Variants in RBMXL3 observed in about 807,000 individuals in gnomAD.
RBMXL3 encodes RNA-binding motif protein, X-linked-like-3.
A neutral mutation model predicts 0.8 loss-of-function variants in RBMXL3; 2 were observed. That is an observed-to-expected ratio of 2.54 (90% CI 1.04 to 8.00). The LOEUF is 8.00. RBMXL3 is among the 30% of genes most tolerant of loss of function. The probability of loss-of-function intolerance (pLI) is 0.04; values close to 1 mark genes in which losing one functional copy is unlikely to be tolerated. For missense variants in RBMXL3, 1,127 were observed against 1,068.0 expected (o/e 1.06, Z -0.77); for synonymous variants, 447 against 449.8 (o/e 0.99, Z 0.08).
At position 115,191,028 on chromosome X, in the gene RBMXL3, C is replaced by T. The variant is rs1257782527; in HGVS notation, c.1587C>T (p.Thr529=). The T allele has an allele frequency of 1.7e-6, 2 of 1,165,687 alleles. No individual in the cohort carries two copies. Among genetic ancestry groups the T allele is most frequent in the Admixed American group, 2.6e-5 (1 of 38,486 alleles). Residue 529 remains threonine (T), a synonymous_variant, in exon 1 of 1, where the codon ACC becomes ACT. Coordinates refer to ENST00000424776, the MANE Select transcript of RBMXL3 (RefSeq NM_001145346.2). ...DANSGGRSPD[T]HSGGHSSSSN... Reference sequence around the variant, plus strand: ...ACAGCGGAGGCCGTTCACCCGACACCCACAGTGGGGGCCACAGCAGTTCCA... The same window carrying T: ...ACAGCGGAGGCCGTTCACCCGACACTCACAGTGGGGGCCACAGCAGTTCCA...
At position 115,192,345 on chromosome X, in the gene RBMXL3, C is replaced by T; in HGVS notation, c.2904C>T (p.Ile968=). 9.3e-7 allele frequency: 1 copy of T among 1,080,870 alleles called. No homozygotes were observed. 89.1% of individuals were successfully genotyped at this position (1,080,870 alleles called of 1,213,427 possible). The change falls in exon 1 of 1, where the codon ATC becomes ATT. Residue 968 remains isoleucine (I), a synonymous_variant. Transcript: ENST00000424776. ...DAHSGGRDSS[I]KSYGLSDRYG... Reference sequence around the variant, plus strand: ...ACAGTGGGGGCCGCGACAGTTCCATCAAGAGTTACGGCCTGAGCGACCGCT... The same window carrying T: ...ACAGTGGGGGCCGCGACAGTTCCATTAAGAGTTACGGCCTGAGCGACCGCT...
At position 115,190,605 on chromosome X, in the gene RBMXL3, C is replaced by G. The variant is rs1556557544; in HGVS notation, c.1164C>G (p.Cys388Trp). The G allele has an allele frequency of 2.6e-6, 3 of 1,160,143 alleles. No individual in the cohort carries two copies. Among genetic ancestry groups the G allele is most frequent in the Non-Finnish European group, 3.5e-6 (3 of 867,239 alleles). Residue 388 changes from cysteine to tryptophan, a missense_variant, in exon 1 of 1, where the codon TGC (cysteine) becomes TGG (tryptophan). Coordinates refer to ENST00000424776, the MANE Select transcript of RBMXL3 (RefSeq NM_001145346.2). ...SRSDRYGEEG[C>W]YEEYRGRSPD... ...GTGACCGCTACGGAGAAGAAGGCTGCTACGAGGAGTACAGAGGCCGCTCGC... is the reference window on the plus strand; with the variant it reads ...GTGACCGCTACGGAGAAGAAGGCTGGTACGAGGAGTACAGAGGCCGCTCGC...
Position 115,192,377 on chromosome X carries a change from G to C in RBMXL3, c.2936G>C (p.Gly979Ala), listed in dbSNP as rs782703250. 32 of 1,159,234 alleles carry C rather than the reference G, an allele frequency of 2.8e-5. No homozygotes were observed. In the Middle Eastern group the frequency reaches 1.2e-3, roughly 42 times the overall value. ...TACGGCCTGAGCGACCGCTACGGAGGAGGAGGCCACTACGAGGAGTACCAG... is the reference window on the plus strand; with the variant it reads ...TACGGCCTGAGCGACCGCTACGGAGCAGGAGGCCACTACGAGGAGTACCAG... ...KSYGLSDRYG[G>A]GGHYEEYQGS... Residue 979 changes from glycine (G) to alanine (A), a missense_variant, in exon 1 of 1, where the codon GGA (glycine) becomes GCA (alanine). Coordinates refer to ENST00000424776, the MANE Select transcript of RBMXL3 (RefSeq NM_001145346.2).
At position 115,192,216 on chromosome X, in the gene RBMXL3, CG is replaced by C. The variant is rs1556560994; in HGVS notation, c.2780del (p.Gly927AlafsTer47). On this transcript the variant is annotated frameshift_variant, in exon 1 of 1. Coordinates refer to ENST00000424776, the MANE Select transcript of RBMXL3 (RefSeq NM_001145346.2). LOFTEE classifies it low-confidence loss of function (END_TRUNC). ...YQGRSPNAYG[G>X]GRGLNSSNNS... The stretch of plus-strand genomic sequence containing the variant: ...AAGGCCGCTCGCCCAATGCCTACGG[CG>C]GGGGCCGCGGCCTCAACAGTTCCAA... The C allele has an allele frequency of 8.6e-7, 1 of 1,162,724 alleles. No individual in the cohort carries two copies. Among genetic ancestry groups the C allele is most frequent in the African/African-American group, 1.8e-5 (1 of 55,324 alleles).
chrX:115,191,379 G>A lies in RBMXL3; in HGVS notation c.1938G>A (p.Ser646=), dbSNP rs370302134. The change falls in exon 1 of 1, where the codon TCG becomes TCA. Residue 646 remains serine (S), a synonymous_variant. Transcript: ENST00000424776. ...RSLDANSGGR[S]PDAYSGGHDS... is the part of the protein sequence containing the mutation. ...TTGATGCCAACAGTGGAGGCCGCTC[G>A]CCTGATGCCTACAGTGGGGGCCACG... is the stretch of plus-strand genomic sequence containing the variant. 2.6e-4 allele frequency: 298 copies of A among 1,140,039 alleles called. No individual in the cohort carries two copies. The highest frequency in any genetic ancestry group is 2.2e-3 in the Middle Eastern group (9 of 4,173). The allele number at this position is 1,140,039 out of a possible 1,213,427, so 94.0% of individuals were successfully genotyped here. A position where few individuals can be genotyped will look rare whatever the true frequency, so the allele number is the denominator to read the frequency against.
At position 115,190,452 on chromosome X, in the gene RBMXL3, C is replaced by A; in HGVS notation, c.1011C>A (p.Pro337=). The part of the protein sequence containing the change: ...CRYEEYQGNS[P]DACSEGRSSE... ...ACGAGGAGTACCAGGGCAACTCGCC[C>A]GATGCCTGCAGTGAAGGCCGCTCGT... Residue 337 remains proline, a synonymous_variant, in exon 1 of 1, where the codon CCC becomes CCA. Transcript: ENST00000424776. The A allele has an allele frequency of 8.6e-7, 1 of 1,167,204 alleles. No individual in the cohort carries two copies. The highest frequency in any genetic ancestry group is 3.3e-5 in the East Asian group (1 of 30,752).
Position 115,190,871 on chromosome X carries a change from G to A in RBMXL3, c.1430G>A (p.Arg477His), listed in dbSNP as rs782325047. Reference protein sequence around the residue: ...GGGRYEEYQGRSLDANSGGCS... With the variant: ...GGGRYEEYQGHSLDANSGGCS... Reference sequence around the variant, plus strand: ...GGCCGTTATGAGGAGTACCAAGGCCGCTCGCTGGATGCCAACAGTGGAGGC... The same window carrying A: ...GGCCGTTATGAGGAGTACCAAGGCCACTCGCTGGATGCCAACAGTGGAGGC... Residue 477 changes from arginine to histidine, a missense_variant, in exon 1 of 1, where the codon CGC becomes CAC. Coordinates refer to ENST00000424776, the MANE Select transcript of RBMXL3 (RefSeq NM_001145346.2). 127 of 1,153,056 alleles carry A rather than the reference G, an allele frequency of 1.1e-4. 2 individuals carry two copies. The highest frequency in any genetic ancestry group is 4.5e-4 in the South Asian group (23 of 51,472).
In RBMXL3 at chrX:115,190,736, A is replaced by G. The variant is rs782704958; in HGVS notation, c.1295A>G (p.Glu432Gly). The G allele has an allele frequency of 4.3e-6, 5 of 1,163,099 alleles. No homozygotes were observed. Among genetic ancestry groups the G allele is most frequent in the African/African-American group, 3.7e-5 (2 of 54,732 alleles). Residue 432 changes from glutamate to glycine, a missense_variant, in exon 1 of 1, where the codon GAG (glutamate) becomes GGG (glycine). Transcript: ENST00000424776. Reference sequence around the variant, plus strand: ...GAGGAGTACCGAGGCCGCTCACACGAGGCCCGCAGCGGGGGCCGCTCCACT... The same window carrying G: ...GAGGAGTACCGAGGCCGCTCACACGGGGCCCGCAGCGGGGGCCGCTCCACT... Reference protein sequence around the residue: ...RYEEYRGRSHEARSGGRSTDA... With the variant: ...RYEEYRGRSHGARSGGRSTDA...
Position 115,192,555 on chromosome X carries a change from T to C in RBMXL3, c.3114T>C (p.Asp1038=). Residue 1038 remains aspartate, a synonymous_variant, in exon 1 of 1, where the codon GAT becomes GAC. Transcript: ENST00000424776. ...PMETGSPPLH[D]SYSRSGCRVP... Reference sequence around the variant, plus strand: ...AAACGGGCAGCCCTCCCCTGCATGATTCTTACAGCCGGTCAGGCTGCAGGG... The same window carrying C: ...AAACGGGCAGCCCTCCCCTGCATGACTCTTACAGCCGGTCAGGCTGCAGGG... 1 of 1,169,519 alleles carries C rather than the reference T, an allele frequency of 8.6e-7. No individual in the cohort carries two copies. Among genetic ancestry groups the C allele is most frequent in the Non-Finnish European group, 1.1e-6 (1 of 874,001 alleles).
At position 115,189,520 on chromosome X, in the gene RBMXL3, G is replaced by C; in HGVS notation, c.79G>C (p.Glu27Gln). 1 of 1,182,315 alleles carries C rather than the reference G, an allele frequency of 8.5e-7. No individual in the cohort carries two copies. Among genetic ancestry groups the C allele is most frequent in the Non-Finnish European group, 1.1e-6 (1 of 879,920 alleles). ...LKTDEKALKA[E>Q]FGKYGHIIKV... ...AACCGACGAGAAAGCCCTCAAAGCC[G>C]AGTTTGGCAAGTATGGCCACATCAT... Residue 27 changes from glutamate (E) to glutamine (Q), a missense_variant, in exon 1 of 1, where the codon GAG (glutamate) becomes CAG (glutamine). Physicochemically the swap from Glu to Gln is conservative, Grantham distance 29. Transcript: ENST00000424776.
rs1311283201 is a variant in RBMXL3, at chrX:115,191,111, G to A, written c.1670G>A (p.Gly557Asp). 2.6e-6 allele frequency: 3 copies of A among 1,166,973 alleles called. No homozygotes were observed. The highest frequency in any genetic ancestry group is 3.4e-6 in the Non-Finnish European group (3 of 872,891). The stretch of plus-strand genomic sequence containing the variant: ...GGAGAAGGCCGCTATGAGTACCGAG[G>A]CCGCTCGCATGACGCCCACAGTGGG... Reference protein sequence around the residue: ...YGGEGRYEYRGRSHDAHSGGC... With the variant: ...YGGEGRYEYRDRSHDAHSGGC... The change falls in exon 1 of 1, where the codon GGC becomes GAC. Residue 557 changes from glycine to aspartate, a missense_variant. By Grantham distance (94) the Gly-to-Asp change is moderately conservative. Transcript: ENST00000424776.
In RBMXL3 at chrX:115,190,720, C is replaced by G. The variant is rs1346438615; in HGVS notation, c.1279C>G (p.Arg427Gly). The change falls in exon 1 of 1, where the codon CGA becomes GGA. Residue 427 changes from arginine (R) to glycine (G), a missense_variant. By Grantham distance (125) the Arg-to-Gly change is moderately radical. Coordinates refer to ENST00000424776, the MANE Select transcript of RBMXL3 (RefSeq NM_001145346.2). The stretch of plus-strand genomic sequence containing the variant: ...AGGAGAAGGCCGCTATGAGGAGTAC[C>G]GAGGCCGCTCACACGAGGCCCGCAG... The part of the protein sequence containing the change: ...YGGEGRYEEY[R>G]GRSHEARSGG... 1 of 1,119,081 alleles carries G rather than the reference C, an allele frequency of 8.9e-7. No individual in the cohort carries two copies. Among genetic ancestry groups the G allele is most frequent in the Non-Finnish European group, 1.2e-6 (1 of 847,668 alleles). The allele number at this position is 1,119,081 out of a possible 1,213,427, so 92.2% of individuals were successfully genotyped here. A position where few individuals can be genotyped will look rare whatever the true frequency, so the allele number is the denominator to read the frequency against.
rs1358841630 is a variant in RBMXL3, at chrX:115,191,149, G to C, written c.1708G>C (p.Asp570His). 3.4e-6 allele frequency: 4 copies of C among 1,164,393 alleles called. No homozygotes were observed. In the African/African-American group the frequency reaches 7.3e-5, roughly 21 times the overall value. Reference protein sequence around the residue: ...HDAHSGGCSADAYSGGHDSSS... With the variant: ...HDAHSGGCSAHAYSGGHDSSS... ...CGCCCACAGTGGGGGCTGCTCTGCCGACGCCTACAGTGGGGGCCACGACAG... is the reference window on the plus strand; with the variant it reads ...CGCCCACAGTGGGGGCTGCTCTGCCCACGCCTACAGTGGGGGCCACGACAG... Residue 570 changes from aspartate (D) to histidine (H), a missense_variant, in exon 1 of 1, where the codon GAC (aspartate) becomes CAC (histidine). Asp to His is a moderately conservative substitution (Grantham distance 81). Coordinates refer to ENST00000424776, the MANE Select transcript of RBMXL3 (RefSeq NM_001145346.2).
chrX:115,192,365 A>ACCGCTACGGAGGAGGAGG lies in RBMXL3; in HGVS notation c.2927_2944dup (p.Arg976_Gly981dup), dbSNP rs1199787002. On this transcript the variant is annotated inframe_insertion, in exon 1 of 1. Transcript: ENST00000424776. ...TCCATCAAGAGTTACGGCCTGAGCG[A>ACCGCTACGGAGGAGGAGG]CCGCTACGGAGGAGGAGGCCACTAC... The ACCGCTACGGAGGAGGAGG allele has an allele frequency of 6.0e-5, 70 of 1,159,127 alleles. No homozygotes were observed. The East Asian group carries it at 2.3e-3, about 38-fold the overall frequency.
At position 115,189,972 on chromosome X, in the gene RBMXL3, A is replaced by G. The variant is rs1556556682; in HGVS notation, c.531A>G (p.Gly177=). The G allele has an allele frequency of 8.6e-7, 1 of 1,162,864 alleles. No individual in the cohort carries two copies. Among genetic ancestry groups the G allele is most frequent in the Admixed American group, 2.6e-5 (1 of 38,720 alleles). The part of the protein sequence containing the change: ...PSSLAHSVGC[G]MRGKAPTVSG... ...GCCTGGCTCACAGCGTTGGCTGTGG[A>G]ATGCGCGGGAAGGCACCGACTGTGT... The change falls in exon 1 of 1, where the codon GGA becomes GGG. Residue 177 remains glycine (G), a synonymous_variant. Transcript: ENST00000424776.
rs981135515 is a variant in RBMXL3 at position 115,189,866 on chromosome X, A to G, written c.425A>G (p.Tyr142Cys). Reference sequence around the variant, plus strand: ...GCGGGGTATTTCGACCTGTGGCCCTACAGGGCCCCGATGCCCAGGAAGCGC... The same window carrying G: ...GCGGGGTATTTCGACCTGTGGCCCTGCAGGGCCCCGATGCCCAGGAAGCGC... ...GYAGYFDLWPYRAPMPRKRGP... is the reference protein window; with the variant it reads ...GYAGYFDLWPCRAPMPRKRGP... The change falls in exon 1 of 1, where the codon TAC (tyrosine) becomes TGC (cysteine). Residue 142 changes from tyrosine to cysteine, a missense_variant. Transcript: ENST00000424776. 4.3e-5 allele frequency: 50 copies of G among 1,164,598 alleles called. No individual in the cohort carries two copies. The highest frequency in any genetic ancestry group is 5.5e-5 in the Non-Finnish European group (48 of 871,789).
At position 115,190,107 on chromosome X, in the gene RBMXL3, T is replaced by C; in HGVS notation, c.666T>C (p.Pro222=). Residue 222 remains proline, a synonymous_variant, in exon 1 of 1, where the codon CCT becomes CCC. Transcript: ENST00000424776. The stretch of plus-strand genomic sequence containing the variant: ...CTCGCATTGGCGGCAGTGGAATGCC[T>C]GGGAAGGCCCCGGCCGTGTGGGGGC... The part of the protein sequence containing the change: ...SLARIGGSGM[P]GKAPAVWGQD... The C allele has an allele frequency of 1.7e-6, 2 of 1,155,973 alleles. No individual in the cohort carries two copies. Among genetic ancestry groups the C allele is most frequent in the Non-Finnish European group, 2.3e-6 (2 of 866,329 alleles).
rs1482508722 is a variant in RBMXL3, at chrX:115,190,902, G to C, written c.1461G>C (p.Ser487=). Residue 487 remains serine, a synonymous_variant, in exon 1 of 1, where the codon TCG becomes TCC. Transcript: ENST00000424776. ...TGGATGCCAACAGTGGAGGCTGCTC[G>C]CCCGAGGCCTACAGTGGGGGCCACG... is the stretch of plus-strand genomic sequence containing the variant. ...RSLDANSGGC[S]PEAYSGGHDN... is the part of the protein sequence containing the mutation. The C allele has an allele frequency of 2.6e-6, 3 of 1,161,333 alleles. No homozygotes were observed. Among genetic ancestry groups the C allele is most frequent in the Non-Finnish European group, 3.4e-6 (3 of 870,991 alleles).
In RBMXL3 at chrX:115,191,614, C is replaced by T. The variant is rs1396648558; in HGVS notation, c.2173C>T (p.Pro725Ser). Residue 725 changes from proline (P) to serine (S), a missense_variant, in exon 1 of 1, where the codon CCT becomes TCT. Coordinates refer to ENST00000424776, the MANE Select transcript of RBMXL3 (RefSeq NM_001145346.2). ...SLDANSGGRS[P>S]DTYSRGHDSS... is the part of the protein sequence containing the mutation. ...TGATGCCAACAGCGGAGGCCGCTCG[C>T]CTGACACCTACAGCCGGGGCCACGA... 9.2e-6 allele frequency: 10 copies of T among 1,086,354 alleles called. No individual in the cohort carries two copies. The highest frequency in any genetic ancestry group is 3.7e-5 in the East Asian group (1 of 27,231). 89.5% of individuals were successfully genotyped at this position (1,086,354 alleles called of 1,213,427 possible).
Sources: allele counts gnomAD v4.1 joint callset, GRCh38; gene constraint gnomAD v4.1.1; transcripts MANE v1.5; gene names NCBI Gene and HGNC (gene_info 2026-07-23, HGNC 2026-07-21).